CENPP: variants seen among roughly 807,000 people sequenced by gnomAD.
CENPP encodes centromere protein P.
CENPP carries 24 observed loss-of-function variants against 35.6 expected under a neutral mutation model. That is an observed-to-expected ratio of 0.67 (90% CI 0.49 to 0.95). The LOEUF is 0.95. CENPP is among the 40% of genes least tolerant of loss of function. The probability of loss-of-function intolerance (pLI) is 0.00; values close to 1 mark genes in which losing one functional copy is unlikely to be tolerated. For missense variants in CENPP, 332 were observed against 345.3 expected, an observed-to-expected ratio of 0.96 and a Z score of 0.31; for synonymous variants, 120 against 125.5, an observed-to-expected ratio of 0.96 and a Z score of 0.29.
chr9:92,513,458 AG>A (rs1391207022), intron 5 of CENPP, among the ~76,000 whole-genome samples: 1 of 152,224 alleles, frequency 6.6e-6, no homozygotes, highest in Admixed American at 6.5e-5. Flanking sequence ...ATTGCCCTAG[AG>A]AAATGAACAC....
At chr9:92,368,323 A>G (rs1424351962) in intron 4 of CENPP, among the ~76,000 whole-genome samples, 1 of 152,228 alleles carries the variant, frequency 6.6e-6, no homozygotes, top group Non-Finnish European at 1.5e-5. Context: ...CATTATATAC[A>G]TGCAAATATT....
intron 5 of CENPP, chr9:92,414,769 C>A (rs1843538393): frequency 4.4e-6 from 1 of 225,562 alleles, no homozygotes. Flanking sequence ...TCAGAGTGAT[C>A]AAAAAGGTCA....
intron 5 of CENPP, among the ~76,000 whole-genome samples, chr9:92,552,074 A>G (rs138455412): frequency 0.21 from 21,844 of 106,396 alleles, 5,718 homozygotes; most frequent in African/African-American, 0.5. Context: ...GATATGATAG[A>G]TCTATCATAT....
intron 3 of CENPP, among the ~76,000 whole-genome samples, chr9:92,340,964 C>G (rs1443704548): frequency 1.3e-5 from 2 of 152,178 alleles, no homozygotes; most frequent in Admixed American, 1.3e-4. Context: ...TCTCTTCTTT[C>G]AAAAGCAAAT....
At chr9:92,514,498 C>A in intron 5 of CENPP, 1 of 1,246,016 alleles carries the variant, frequency 8.0e-7, no homozygotes, top group Non-Finnish European at 1.1e-6. Flanking sequence ...TGGTCTCAAA[C>A]CCCTGACCTC....
chr9:92,543,348 C>G (rs1849356628), intron 5 of CENPP, among the ~76,000 whole-genome samples: 2 of 151,700 alleles, frequency 1.3e-5, no homozygotes, highest in Admixed American at 1.3e-4. Context: ...TGGTACGTAC[C>G]TGTAGTCTCA....
chr9:92,544,459 G>C (rs1446914107), intron 5 of CENPP, among the ~76,000 whole-genome samples: 3 of 152,116 alleles, frequency 2.0e-5, no homozygotes, highest in South Asian at 2.1e-4. Flanking sequence ...CTGGGCAACA[G>C]AGCAAGACTC....
rs1006764904 is a variant in CENPP, at chr9:92,544,535, G to A, written c.565-66779G>A. Reference sequence around the variant, plus strand: ...GGTACATTCTTTCTATAGTTAATTTGTTGAGGGGTTTTTTTTTTTATCATG... The same window carrying A: ...GGTACATTCTTTCTATAGTTAATTTATTGAGGGGTTTTTTTTTTTATCATG... On this transcript the variant is annotated intron_variant, in intron 5 of 7. Coordinates refer to ENST00000375587, the MANE Select transcript of CENPP (RefSeq NM_001012267.3). 1.1e-4 allele frequency among the ~76,000 whole-genome samples: 9 copies of A among 83,368 alleles called. No individual in the cohort carries two copies. In the East Asian group the frequency reaches 4.3e-3, roughly 39 times the overall value. The allele number at this position is 83,368 out of a possible 152,430, so 54.7% of individuals were successfully genotyped here.
chr9:92,496,043 C>G (rs1053137170), intron 5 of CENPP: 4 of 1,042,000 alleles, frequency 3.8e-6, no homozygotes, highest in African/African-American at 1.7e-5. Flanking sequence ...CTCTTCTGGT[C>G]TAGCTCAGTA....
chr9:92,567,319 G>C (rs1236708652), intron 5 of CENPP, among the ~76,000 whole-genome samples: 1 of 143,620 alleles, frequency 7.0e-6, no homozygotes, highest in Non-Finnish European at 1.5e-5. Context: ...TAATACTTTT[G>C]TATTTTTTAA....
intron 5 of CENPP, among the ~76,000 whole-genome samples, chr9:92,454,705 C>T (rs866314921): frequency 3.3e-5 from 5 of 151,996 alleles, no homozygotes; most frequent in African/African-American, 1.2e-4. Flanking sequence ...ATTTATTCTT[C>T]ATAGCAACCT....
At chr9:92,558,346 T>C (rs939353378) in intron 5 of CENPP, among the ~76,000 whole-genome samples, 1 of 152,236 alleles carries the variant, frequency 6.6e-6, no homozygotes, top group Non-Finnish European at 1.5e-5. Flanking sequence ...CTTGATGTAG[T>C]ACTCTCCTCC....
At chr9:92,514,886 G>A in intron 5 of CENPP, 1 of 1,613,222 alleles carries the variant, frequency 6.2e-7, no homozygotes, top group Non-Finnish European at 8.5e-7. Flanking sequence ...TCCCTTCCTT[G>A]GCGTTGTTGC....
At chr9:92,600,935 G>A (rs1432196743) in intron 5 of CENPP, among the ~76,000 whole-genome samples, 1 of 152,166 alleles carries the variant, frequency 6.6e-6, no homozygotes, top group Non-Finnish European at 1.5e-5. Context: ...ACTGATCTCT[G>A]ACTTCCGTCC....
At chr9:92,334,767 C>T (rs560107572) in intron 2 of CENPP, among the ~76,000 whole-genome samples, 7 of 152,108 alleles carry the variant, frequency 4.6e-5, no homozygotes, top group African/African-American at 1.7e-4. Context: ...GTAGTCCCAG[C>T]TGCTCGGGAG....
At chr9:92,401,108 G>T (rs890113422) in intron 5 of CENPP, 5 of 1,473,944 alleles carry the variant, frequency 3.4e-6, no homozygotes, top group Non-Finnish European at 4.7e-6. Flanking sequence ...TTTCTTTCTT[G>T]GGAGGTAATG....
At chr9:92,437,974 A>AT (rs530228893) in intron 5 of CENPP, among the ~76,000 whole-genome samples, 35 of 150,662 alleles carry the variant, frequency 2.3e-4, no homozygotes, top group East Asian at 7.8e-4. Flanking sequence ...CACCTGGCTA[A>AT]TTTTTTTATT....
intron 5 of CENPP, chr9:92,600,591 G>T: frequency 6.3e-7 from 1 of 1,598,474 alleles, no homozygotes; most frequent in South Asian, 1.1e-5. Flanking sequence ...GGGTTCTGGG[G>T]CATCAGTCAC....
intron 5 of CENPP, chr9:92,417,398 G>T (rs745318639): frequency 1.2e-6 from 2 of 1,614,086 alleles, no homozygotes; most frequent in East Asian, 4.5e-5. Context: ...CTGATGAAAA[G>T]GAACTCCGTA....
Sources: gnomAD v4.1 joint callset for allele counts (sites outside exome capture counted in the v4.1 genomes callset) on GRCh38, gnomAD v4.1.1 for gene constraint, MANE v1.5 for transcripts, NCBI Gene and HGNC (gene_info 2026-07-23, HGNC 2026-07-21) for gene names.